Variants in NME9 observed in about 807,000 individuals in gnomAD.
NME9 encodes thioredoxin domain-containing protein 6.
Under a neutral mutation model 44.4 loss-of-function variants are expected in NME9, and 48 were observed. That is an observed-to-expected ratio of 1.08 (90% CI 0.86 to 1.37). The LOEUF is 1.37. NME9 is among the 40% of genes most tolerant of loss of function. The pLI is 0.00. For synonymous variants in NME9, 139 were observed against 147.1 expected, an observed-to-expected ratio of 0.94 and a Z score of 0.40; for missense variants, 325 against 405.2, an observed-to-expected ratio of 0.80 and a Z score of 1.70.
At chr3:138,325,011 C>G in intron 1 of NME9, 81 bp from the exon 2 acceptor site, 1 of 1,101,574 alleles carries the variant, frequency 9.1e-7, no homozygotes, top group Non-Finnish European at 1.4e-6. Context: ...CTAGATTTCT[C>G]TCTTCTATCT....
intron 2 of NME9, chr3:138,324,570 C>T (rs914168773): frequency 4.0e-6 from 2 of 498,652 alleles, no homozygotes; most frequent in East Asian, 1.1e-4. Context: ...CCCTGTATTC[C>T]TTCCAATGCA....
intron 6 of NME9, among the ~76,000 whole-genome samples, chr3:138,309,315 AG>A (rs1217621878): frequency 2.6e-4 from 40 of 151,434 alleles, no homozygotes; most frequent in African/African-American, 9.5e-4. Flanking sequence ...AAAAAAAAAA[AG>A]AAGGAATGCC....
intron 8 of NME9, among the ~76,000 whole-genome samples, chr3:138,285,595 C>G (rs947609735): frequency 6.6e-6 from 1 of 152,130 alleles, no homozygotes; most frequent in Non-Finnish European, 1.5e-5. Context: ...TGGACTCTTG[C>G]CCTTATAGAT....
downstream of NME9, chr3:138,296,010 T>C: frequency 9.2e-7 from 1 of 1,085,152 alleles, no homozygotes; most frequent in Non-Finnish European, 1.3e-6. Flanking sequence ...GGGAGCTGTT[T>C]TGCAAAAGCA....
chr3:138,292,493 G>A (rs1468513846), intron 8 of NME9, among the ~76,000 whole-genome samples: 3 of 152,164 alleles, frequency 2.0e-5, no homozygotes. Context: ...GAAGTGGTTG[G>A]ATTCAGGATT....
chr3:138,264,190 C>G, intron 8 of NME9: 1 of 1,613,842 alleles, frequency 6.2e-7, no homozygotes, highest in Non-Finnish European at 8.5e-7. Context: ...CAGGATCATG[C>G]TGTTTGGAAA....
chr3:138,300,450 C>T (rs2051780372), downstream of NME9, among the ~76,000 whole-genome samples: 2 of 152,178 alleles, frequency 1.3e-5, no homozygotes, highest in Admixed American at 1.3e-4. Flanking sequence ...GCATTTGCTT[C>T]GTGGTGTAGA....
intron 8 of NME9, chr3:138,287,832 G>A (rs992947366): frequency 1.2e-5 from 4 of 327,068 alleles, no homozygotes; most frequent in South Asian, 5.2e-5. Context: ...TCTCTCAGAT[G>A]TGCATAAATT....
chr3:138,310,182 TATAATG>T (rs1359231545), intron 6 of NME9, among the ~76,000 whole-genome samples: 1 of 152,046 alleles, frequency 6.6e-6, no homozygotes, highest in Non-Finnish European at 1.5e-5. Flanking sequence ...AAGGTCACTA[TATAATG>T]ATAAAGGAGT....
At chr3:138,287,249 AT>A (rs1159799463) in intron 8 of NME9, among the ~76,000 whole-genome samples, 2 of 152,164 alleles carry the variant, frequency 1.3e-5, no homozygotes, top group African/African-American at 4.8e-5. Context: ...AGTTGGCACA[AT>A]TTGGCTACAC....
chr3:138,269,942 G>C, intron 8 of NME9: 1 of 646,854 alleles, frequency 1.5e-6, no homozygotes, highest in Non-Finnish European at 2.6e-6. Flanking sequence ...AATTGAGTAA[G>C]AGTGGGGAAG....
chr3:138,318,985 C>A (rs2053287540), intron 3 of NME9, among the ~76,000 whole-genome samples: 1 of 152,006 alleles, frequency 6.6e-6, no homozygotes, highest in Admixed American at 6.6e-5. Flanking sequence ...ATTGCTTGAG[C>A]CTGGGAGTTC....
At chr3:138,270,972 G>C (rs570269881) in intron 8 of NME9, among the ~76,000 whole-genome samples, 1 of 152,018 alleles carries the variant, frequency 6.6e-6, no homozygotes, top group African/African-American at 2.4e-5. Context: ...AAGATATATT[G>C]GTATATATTC....
chr3:138,313,172 C>T (rs1457472521), intron 6 of NME9, among the ~76,000 whole-genome samples: 1 of 152,118 alleles, frequency 6.6e-6, no homozygotes, highest in African/African-American at 2.4e-5. Context: ...GGGTGGATCA[C>T]CTGATGTCAG....
At chr3:138,322,488 GTGT>G (rs2053533259) in intron 2 of NME9, among the ~76,000 whole-genome samples, 9 of 14,572 alleles carry the variant, frequency 6.2e-4, no homozygotes, top group Admixed American at 6.0e-3. Flanking sequence ...AAAAAGGGGT[GTGT>G]GTGTGTGTGT....
intron 8 of NME9, among the ~76,000 whole-genome samples, chr3:138,286,562 C>T (rs1315244139): frequency 6.6e-6 from 1 of 152,192 alleles, no homozygotes; most frequent in East Asian, 1.9e-4. Flanking sequence ...CTCCTGAGAT[C>T]AGCAGATCAC....
chr3:138,301,806 G>A (rs137913079), intron 10 of NME9, 102 bp from the exon 11 acceptor site: 493 of 906,366 alleles, frequency 5.4e-4, no homozygotes, highest in African/African-American at 4.6e-3. Context: ...AAAGGTCAGA[G>A]CAGGAGGGTC....
rs1011159981 is a variant in NME9 at position 138,329,357 on chromosome 3, C to T, written c.-22G>A. The T allele has an allele frequency of 6.5e-6, 10 of 1,535,896 alleles. No homozygotes were observed. In the African/African-American group the frequency reaches 1.4e-4, roughly 21 times the overall value. On this transcript the variant is annotated 5_prime_UTR_variant, in exon 1 of 11. Coordinates refer to ENST00000333911, the MANE Select transcript of NME9 (RefSeq NM_001349018.2). ...CCATGGCTCTGCAAAGAAGACGAAG[C>T]CCTGTTACCGCGGCCGTGGGCCGTT... is the stretch of plus-strand genomic sequence containing the variant.
At position 138,329,470 on chromosome 3, in the gene NME9, C is replaced by T; in HGVS notation, c.-135G>A. ...GCCCCCCTCCTACGGCCCCCGGCCC[C>T]TTTTTAAGGTGCTTCTAACTGGCGG... On this transcript the variant is annotated 5_prime_UTR_variant, in exon 1 of 11. Transcript: ENST00000333911. The T allele has an allele frequency of 6.8e-7, 1 of 1,479,312 alleles. No individual in the cohort carries two copies. Among genetic ancestry groups the T allele is most frequent in the Admixed American group, 2.4e-5 (1 of 41,010 alleles). The allele number at this position is 1,479,312 out of a possible 1,614,324, so 91.6% of individuals were successfully genotyped here. A position where few individuals can be genotyped will look rare whatever the true frequency, so the allele number is the denominator to read the frequency against.
Sources: allele counts gnomAD v4.1 joint callset (sites outside exome capture counted in the v4.1 genomes callset), GRCh38; gene constraint gnomAD v4.1.1; transcripts MANE v1.5; gene names NCBI Gene and HGNC (gene_info 2026-07-23, HGNC 2026-07-21).